TOMM20L: variants seen among roughly 807,000 people sequenced by gnomAD.
TOMM20L encodes TOMM20-like protein 1.
Under a neutral mutation model 20.4 loss-of-function variants are expected in TOMM20L, and 19 were observed. The ratio of observed to expected loss-of-function variants is 0.93; its 90% CI spans 0.65 to 1.36. The LOEUF is 1.36. TOMM20L is among the 40% of genes most tolerant of loss of function. The pLI, the probability that TOMM20L is intolerant of heterozygous loss-of-function variation, is 0.00. For synonymous variants in TOMM20L, 75 were observed against 79.6 expected (o/e 0.94, Z 0.30); for missense variants, 218 against 203.7 (o/e 1.07, Z -0.43).
At chr14:58,404,365 G>A (rs1421811547) in intron 3 of TOMM20L, among the ~76,000 whole-genome samples, 1 of 149,528 alleles carries the variant, frequency 6.7e-6, no homozygotes, top group Non-Finnish European at 1.5e-5. Flanking sequence ...TCCTGACCTC[G>A]TGATCCGCCC....
the TOMM20L span, among the ~76,000 whole-genome samples, chr14:58,415,785 T>C: frequency 6.6e-6 from 1 of 151,926 alleles, no homozygotes; most frequent in Admixed American, 6.6e-5. Flanking sequence ...GTAGTAAAAG[T>C]AGTGGAAGAA....
At chr14:58,411,988 A>T, downstream of TOMM20L, 1 of 1,590,696 alleles carries the variant, frequency 6.3e-7, no homozygotes, top group Non-Finnish European at 8.6e-7. Flanking sequence ...TAAAAATTCA[A>T]AACAAGTTTG....
chr14:58,401,149 G>A (rs2035987949), intron 2 of TOMM20L, among the ~76,000 whole-genome samples: 1 of 152,180 alleles, frequency 6.6e-6, no homozygotes, highest in South Asian at 2.1e-4. Context: ...GATGGGCACA[G>A]GGGTCTTGGT....
At chr14:58,407,991 A>G (rs1430814453) in intron 4 of TOMM20L, among the ~76,000 whole-genome samples, 1 of 140,928 alleles carries the variant, frequency 7.1e-6, no homozygotes, top group Non-Finnish European at 1.7e-5. Flanking sequence ...CAAGCCTTGG[A>G]ATCTATCATA....
chr14:58,405,948 A>AT (rs1389310262), intron 3 of TOMM20L, among the ~76,000 whole-genome samples: 1 of 152,086 alleles, frequency 6.6e-6, no homozygotes, highest in African/African-American at 2.4e-5. Context: ...AGGTGTCAAT[A>AT]TTTTTTTTAA....
chr14:58,400,190 G>A (rs2035976650), intron 2 of TOMM20L, among the ~76,000 whole-genome samples: 1 of 151,638 alleles, frequency 6.6e-6, no homozygotes. Flanking sequence ...TGGATCACCT[G>A]AGGTCAGGAG....
At chr14:58,407,591 T>C in intron 4 of TOMM20L, 123 bp downstream of exon 4, 1 of 1,146,426 alleles carries the variant, frequency 8.7e-7, no homozygotes, top group South Asian at 1.8e-5. Flanking sequence ...GTGAAATCTC[T>C]GAATTTTTGG....
chr14:58,416,304 A>G, the TOMM20L span, among the ~76,000 whole-genome samples: 7 of 152,186 alleles, frequency 4.6e-5, no homozygotes, highest in Admixed American at 3.9e-4. Flanking sequence ...GTGAAAAACT[A>G]TATCTTGCCT....
downstream of TOMM20L, chr14:58,411,894 T>G: frequency 1.2e-6 from 2 of 1,613,470 alleles, no homozygotes; most frequent in South Asian, 2.2e-5. Flanking sequence ...TCCCCTTAAT[T>G]AGAATACCTT....
intron 2 of TOMM20L, among the ~76,000 whole-genome samples, chr14:58,401,312 C>T (rs547114897): frequency 6.0e-4 from 91 of 151,994 alleles, no homozygotes; most frequent in African/African-American, 2.1e-3. Flanking sequence ...TGGCTCACGC[C>T]TGTAATCCTA....
chr14:58,396,284 T>C lies in TOMM20L; in HGVS notation c.137-14T>C, dbSNP rs775069102. 12 of 1,612,628 alleles carry C rather than the reference T, an allele frequency of 7.4e-6. No individual in the cohort carries two copies. The highest frequency in any genetic ancestry group is 4.5e-5 in the East Asian group (2 of 44,858). On this transcript the variant is annotated splice_polypyrimidine_tract_variant and intron_variant, in intron 1 of 4. Coordinates refer to ENST00000360945, the MANE Select transcript of TOMM20L (RefSeq NM_207377.3). ...CGGGCCTCCCAGCCAGCATGTGCCG[T>C]GTTGTGTTCGCAGAAAGAAGAGCAG...
intron 1 of TOMM20L, 59 bp from the exon 2 acceptor site, chr14:58,396,239 G>T: frequency 6.2e-7 from 1 of 1,605,754 alleles, no homozygotes; most frequent in Non-Finnish European, 8.5e-7. Context: ...AGGACCACTG[G>T]GCCCACGCGT....
intron 2 of TOMM20L, among the ~76,000 whole-genome samples, chr14:58,399,955 C>G (rs944360740): frequency 2.6e-5 from 3 of 116,644 alleles, no homozygotes; most frequent in African/African-American, 9.9e-5. Flanking sequence ...CTATTACTTC[C>G]CTGCAACTAA....
downstream of TOMM20L, chr14:58,411,030 A>G: frequency 1.2e-6 from 1 of 820,986 alleles, no homozygotes; most frequent in Non-Finnish European, 2.0e-6. Context: ...TTTAGACAAA[A>G]TATACTATAA....
downstream of TOMM20L, chr14:58,411,953 T>C (rs1334010657): frequency 6.2e-7 from 1 of 1,613,494 alleles, no homozygotes; most frequent in Non-Finnish European, 8.5e-7. Flanking sequence ...CATATTCTTC[T>C]GGTACCTTTA....
At chr14:58,406,521 A>G (rs1230765805) in intron 3 of TOMM20L, among the ~76,000 whole-genome samples, 1 of 152,192 alleles carries the variant, frequency 6.6e-6, no homozygotes, top group Non-Finnish European at 1.5e-5. Context: ...AAGTATGTCA[A>G]TATTTCAACT....
chr14:58,405,833 C>T (rs1305509225), intron 3 of TOMM20L, among the ~76,000 whole-genome samples: 4 of 152,232 alleles, frequency 2.6e-5, no homozygotes, highest in Non-Finnish European at 5.9e-5. Flanking sequence ...AAGTTTTATA[C>T]TTCCATATTT....
At chr14:58,409,035 T>C, downstream of TOMM20L, 1 of 1,611,774 alleles carries the variant, frequency 6.2e-7, no homozygotes, top group Non-Finnish European at 8.5e-7. Flanking sequence ...AGGACTTCTC[T>C]ATCGTGGTTG....
chr14:58,414,012 A>AAAAG, the TOMM20L span, among the ~76,000 whole-genome samples: 2 of 140,732 alleles, frequency 1.4e-5, no homozygotes, highest in Non-Finnish European at 3.1e-5. Flanking sequence ...GTCTCAGAAA[A>AAAAG]AAAAAAAAAA....
Sources: gnomAD v4.1 joint callset for allele counts (sites outside exome capture counted in the v4.1 genomes callset) on GRCh38, gnomAD v4.1.1 for gene constraint, MANE v1.5 for transcripts, NCBI Gene and HGNC (gene_info 2026-07-23, HGNC 2026-07-21) for gene names.